The following MTCL3 variants were observed in gnomAD, a reference collection of about 807,000 sequenced individuals.
MTCL3 encodes the protein MTCL family member 3, also known as microtubule cross-linking factor 3.
At chr6:127,475,226 C>T in the MTCL3 span, 1 of 1,494,182 alleles carries the variant, frequency 6.7e-7, no homozygotes, top group Non-Finnish European at 9.0e-7. This position sits in a 1 kb window ranked among gnomAD's most constrained non-coding sequence, Gnocchi z 7.3. Context: ...GCCGAGACGC[C>T]CCCCAGGGAC....
the MTCL3 span, among the ~76,000 whole-genome samples, chr6:127,496,928 C>G: frequency 6.6e-6 from 1 of 152,124 alleles, no homozygotes; most frequent in Non-Finnish European, 1.5e-5. Flanking sequence ...AGACCACATA[C>G]AGTGCAATTT....
the MTCL3 span, chr6:127,512,832 G>C: frequency 1.3e-6 from 2 of 1,484,398 alleles, no homozygotes; most frequent in Non-Finnish European, 9.1e-7. Flanking sequence ...TTAGTCCTTG[G>C]GATTCTTTTT....
At chr6:127,476,151 A>C in the MTCL3 span, 3 of 1,614,024 alleles carry the variant, frequency 1.9e-6, no homozygotes, top group Admixed American at 5.0e-5. The surrounding 1 kb of genome is among the most constrained non-coding windows in gnomAD (Gnocchi z 4.4). Context: ...CGTTGAAGTC[A>C]TCGCCCCTAA....
At chr6:127,480,369 G>C in the MTCL3 span, among the ~76,000 whole-genome samples, 2 of 152,218 alleles carry the variant, frequency 1.3e-5, no homozygotes, top group African/African-American at 4.8e-5. Context: ...TAGAGCTACA[G>C]TTCTTAATTG....
chr6:127,481,905 G>C, the MTCL3 span, among the ~76,000 whole-genome samples: 1 of 152,148 alleles, frequency 6.6e-6, no homozygotes, highest in Non-Finnish European at 1.5e-5. Flanking sequence ...ACGCATTCCA[G>C]TAAAAAAGCC....
At chr6:127,511,710 TA>T in the MTCL3 span, among the ~76,000 whole-genome samples, 857 of 152,322 alleles carry the variant, frequency 5.6e-3, 9 homozygotes, top group African/African-American at 0.02. Flanking sequence ...ATCATTAAAA[TA>T]TTTTTTTACT....
At chr6:127,499,845 T>C in the MTCL3 span, among the ~76,000 whole-genome samples, 1 of 152,170 alleles carries the variant, frequency 6.6e-6, no homozygotes, top group African/African-American at 2.4e-5. Flanking sequence ...GGAGAAGAGA[T>C]GGTTCAGAGT....
chr6:127,480,715 G>C, the MTCL3 span, among the ~76,000 whole-genome samples: 30 of 152,306 alleles, frequency 2.0e-4, no homozygotes, highest in East Asian at 4.4e-3. Context: ...AGAGATGAAT[G>C]CATAAACAAG....
At chr6:127,509,180 A>C in the MTCL3 span, among the ~76,000 whole-genome samples, 1 of 152,230 alleles carries the variant, frequency 6.6e-6, no homozygotes, top group Non-Finnish European at 1.5e-5. Flanking sequence ...CGAAGGCAGC[A>C]TTCGAAGAGG....
At chr6:127,490,808 C>T in the MTCL3 span, among the ~76,000 whole-genome samples, 1 of 152,222 alleles carries the variant, frequency 6.6e-6, no homozygotes, top group South Asian at 2.1e-4. Flanking sequence ...CAGAGCAAGA[C>T]TCCATCTCAA....
At chr6:127,489,457 G>A in the MTCL3 span, among the ~76,000 whole-genome samples, 1 of 152,338 alleles carries the variant, frequency 6.6e-6, no homozygotes, top group Admixed American at 6.5e-5. Flanking sequence ...ACGTAGGCAT[G>A]TCCAAAGCCA....
At chr6:127,517,185 G>T in the MTCL3 span, among the ~76,000 whole-genome samples, 8 of 152,168 alleles carry the variant, frequency 5.3e-5, no homozygotes, top group Non-Finnish European at 8.8e-5. Context: ...TCAATTAGAG[G>T]AAAAGGGTTA....
At chr6:127,518,831 CG>C in the MTCL3 span, 1 of 152,246 alleles carries the variant, frequency 6.6e-6, no homozygotes, top group African/African-American at 2.4e-5. Flanking sequence ...GACTTCCCGG[CG>C]GTCCGCGGCT....
At chr6:127,482,134 T>C in the MTCL3 span, among the ~76,000 whole-genome samples, 1 of 152,158 alleles carries the variant, frequency 6.6e-6, no homozygotes, top group Non-Finnish European at 1.5e-5. The surrounding 1 kb of genome is among the most constrained non-coding windows in gnomAD (Gnocchi z 4.1). Flanking sequence ...GCTTATGGAG[T>C]AGCCATTCTT....
the MTCL3 span, among the ~76,000 whole-genome samples, chr6:127,505,016 C>T: frequency 6.7e-6 from 1 of 149,696 alleles, no homozygotes. Flanking sequence ...TCATTCAACA[C>T]CCTGGTTTAT....
the MTCL3 span, chr6:127,475,445 C>A: frequency 6.2e-7 from 1 of 1,613,102 alleles, no homozygotes. The surrounding 1 kb of genome is among the most constrained non-coding windows in gnomAD (Gnocchi z 7.3). Context: ...CGGCTGCCGT[C>A]GTCCTCCTCG....
At chr6:127,503,944 G>A in the MTCL3 span, among the ~76,000 whole-genome samples, 5 of 151,944 alleles carry the variant, frequency 3.3e-5, no homozygotes, top group East Asian at 9.7e-4. Context: ...ATTACTTATT[G>A]TTTATCAACT....
At chr6:127,478,646 G>A in the MTCL3 span, among the ~76,000 whole-genome samples, 3 of 152,136 alleles carry the variant, frequency 2.0e-5, no homozygotes, top group South Asian at 2.1e-4. Flanking sequence ...AAGTGAGGAC[G>A]TGTGGATGAG....
chr6:127,503,229 TG>T, the MTCL3 span, among the ~76,000 whole-genome samples: 1 of 152,138 alleles, frequency 6.6e-6, no homozygotes, highest in Non-Finnish European at 1.5e-5. Flanking sequence ...CAGACAGACT[TG>T]GGTGTGGGCC....
Sources: gnomAD v4.1 joint callset for allele counts (sites outside exome capture counted in the v4.1 genomes callset) on GRCh38, gnomAD v4.1.1 for gene constraint, Gnocchi (gnomAD v3.1) non-coding constraint, MANE v1.5 for transcripts, NCBI Gene and HGNC (gene_info 2026-07-23, HGNC 2026-07-21) for gene names.